The following PTPRD variants were observed in gnomAD, a reference collection of about 807,000 sequenced individuals.
PTPRD encodes the protein protein tyrosine phosphatase receptor type D.
PTPRD carries 34 observed loss-of-function variants against 214.5 expected under a neutral mutation model. That is an observed-to-expected ratio of 0.16 (90% CI 0.12 to 0.21). PTPRD has a LOEUF of 0.21. Among genes scored for constraint, PTPRD ranks in the 10% least tolerant of loss-of-function variants. PTPRD has a pLI of 1.00. For missense variants in PTPRD, 2,545 were observed against 2,398.7 expected (o/e 1.06, Z -1.27); for synonymous variants, 1,128 against 845.7 (o/e 1.33, Z -5.79).
At chr9:10,237,893 G>T (rs948312893) in intron 3 of PTPRD, among the ~76,000 whole-genome samples, 14 of 151,974 alleles carry the variant, frequency 9.2e-5, no homozygotes, top group African/African-American at 2.2e-4. Context: ...TCTTATATTA[G>T]AAGTGATATT....
chr9:10,544,927 T>C (rs1228113568), intron 2 of PTPRD, among the ~76,000 whole-genome samples: 1 of 152,208 alleles, frequency 6.6e-6, no homozygotes, highest in Non-Finnish European at 1.5e-5. Context: ...CGTACTTACC[T>C]AGAAAAACAA....
chr9:9,819,626 G>C (rs1272491249), intron 5 of PTPRD, among the ~76,000 whole-genome samples: 3 of 152,028 alleles, frequency 2.0e-5, no homozygotes, highest in Non-Finnish European at 4.4e-5. Context: ...ACTGAGCATA[G>C]TCCCCAACGG....
intron 4 of PTPRD, among the ~76,000 whole-genome samples, chr9:9,947,512 A>C (rs368684569): frequency 1.1e-4 from 4 of 35,224 alleles, no homozygotes; most frequent in African/African-American, 5.3e-4. Context: ...TTATATATAT[A>C]ATATATATAT....
intron 2 of PTPRD, among the ~76,000 whole-genome samples, chr9:10,358,339 G>T (rs1316248925): frequency 6.6e-6 from 1 of 151,636 alleles, no homozygotes; most frequent in Non-Finnish European, 1.5e-5. Flanking sequence ...AACCTATTTG[G>T]GAATAAAGAT....
At chr9:8,853,652 T>C (rs542124718) in intron 11 of PTPRD, among the ~76,000 whole-genome samples, 1 of 152,230 alleles carries the variant, frequency 6.6e-6, no homozygotes, top group South Asian at 2.1e-4. Flanking sequence ...CTAAGCAATC[T>C]TCTTCCACAT....
chr9:9,793,477 T>C (rs16930344), intron 5 of PTPRD, among the ~76,000 whole-genome samples: 1,897 of 152,226 alleles, frequency 0.012, 46 homozygotes, highest in African/African-American at 0.044. Flanking sequence ...TATAAGTAGA[T>C]AGACAAATGG....
intron 5 of PTPRD, among the ~76,000 whole-genome samples, chr9:9,811,725 G>C (rs2047211808): frequency 1.3e-5 from 2 of 151,894 alleles, no homozygotes; most frequent in African/African-American, 4.8e-5. Context: ...AACAAAAAAT[G>C]GTTTATTGCA....
intron 5 of PTPRD, among the ~76,000 whole-genome samples, chr9:9,937,438 AT>A (rs2089951435): frequency 6.6e-6 from 1 of 151,084 alleles, no homozygotes; most frequent in Non-Finnish European, 1.5e-5. Context: ...AAAAAAAAAA[AT>A]AGTTCCATAG....
intron 4 of PTPRD, among the ~76,000 whole-genome samples, chr9:9,947,563 T>G (rs1445685195): frequency 2.4e-5 from 1 of 41,086 alleles, no homozygotes; most frequent in Non-Finnish European, 3.7e-5. Flanking sequence ...ATATATATAT[T>G]TTATATATAT....
chr9:10,340,856 C>A (rs1289927376), intron 3 of PTPRD, 107 bp downstream of exon 3: 1 of 151,890 alleles, frequency 6.6e-6, no homozygotes, highest in Non-Finnish European at 1.5e-5. Flanking sequence ...GGGATAAGAA[C>A]ATGGTTTCAT....
At chr9:10,345,821 A>G (rs760832307) in intron 2 of PTPRD, among the ~76,000 whole-genome samples, 1 of 152,104 alleles carries the variant, frequency 6.6e-6, no homozygotes, top group Admixed American at 6.5e-5. Flanking sequence ...CTGGTTCTGG[A>G]TCCTTGAACA....
At chr9:10,120,239 CATA>C (rs2098764130) in intron 3 of PTPRD, among the ~76,000 whole-genome samples, 1 of 151,624 alleles carries the variant, frequency 6.6e-6, no homozygotes, top group African/African-American at 2.4e-5. Context: ...TCCCACTAGT[CATA>C]ATAATACAAC....
intron 2 of PTPRD, among the ~76,000 whole-genome samples, chr9:10,479,446 A>G (rs761972053): frequency 2.5e-4 from 38 of 152,008 alleles, no homozygotes; most frequent in Non-Finnish European, 4.7e-4. Context: ...AGAAACTCAA[A>G]CTTAACTTGT....
At chr9:8,990,972 T>A (rs2099364160) in intron 11 of PTPRD, among the ~76,000 whole-genome samples, 2 of 151,926 alleles carry the variant, frequency 1.3e-5, no homozygotes, top group Admixed American at 6.6e-5. Flanking sequence ...CCCAACACTT[T>A]GGGAGGTCAA....
In PTPRD at chr9:8,427,409, T is replaced by G. The variant is rs183666981; in HGVS notation, c.4086+9183A>C. ...AGCAATTTTGATCACAACAAAGAGTTTCTATGAACTGTAAATTTAGTTAGA... is the reference window on the plus strand; with the variant it reads ...AGCAATTTTGATCACAACAAAGAGTGTCTATGAACTGTAAATTTAGTTAGA... On this transcript the variant is annotated intron_variant, in intron 35 of 45. Coordinates refer to ENST00000381196, the MANE Select transcript of PTPRD (RefSeq NM_002839.4). Among the ~76,000 whole-genome samples, 277 of 152,240 alleles carry G rather than the reference T, an allele frequency of 1.8e-3. 1 individual carries two copies. The highest frequency in any genetic ancestry group is 6.4e-3 in the African/African-American group (268 of 41,560).
At chr9:8,678,184 G>A (rs1211831727) in intron 12 of PTPRD, among the ~76,000 whole-genome samples, 1 of 152,180 alleles carries the variant, frequency 6.6e-6, no homozygotes, top group Non-Finnish European at 1.5e-5. Flanking sequence ...GCACAGGGAA[G>A]GAGGAGTGAA....
chr9:9,657,975 T>A (rs113755099), intron 7 of PTPRD, among the ~76,000 whole-genome samples: 4 of 152,362 alleles, frequency 2.6e-5, no homozygotes, highest in African/African-American at 9.6e-5. Flanking sequence ...TTGACTTTTA[T>A]GCTTAATTTT....
chr9:9,787,144 T>A (rs895771641), intron 5 of PTPRD, among the ~76,000 whole-genome samples: 11 of 148,062 alleles, frequency 7.4e-5, no homozygotes, highest in African/African-American at 9.9e-5. Context: ...CTCAATTTAA[T>A]AAAAAAAAAA....
At chr9:9,777,479 G>A (rs1020241025) in intron 5 of PTPRD, among the ~76,000 whole-genome samples, 3 of 152,090 alleles carry the variant, frequency 2.0e-5, no homozygotes, top group Non-Finnish European at 4.4e-5. Context: ...TGGATCACTT[G>A]AGCCCAAGAG....
Sources: allele counts gnomAD v4.1 joint callset (sites outside exome capture counted in the v4.1 genomes callset), GRCh38; gene constraint gnomAD v4.1.1; transcripts MANE v1.5; gene names NCBI Gene and HGNC (gene_info 2026-07-23, HGNC 2026-07-21).